The following SPRY3 variants were observed in gnomAD, a reference collection of about 807,000 sequenced individuals.
SPRY3 encodes protein sprouty homolog 3.
SPRY3 carries 15 observed loss-of-function variants against 20.2 expected under a neutral mutation model. That is an observed-to-expected ratio of 0.74 (90% CI 0.50 to 1.14). The LOEUF (loss-of-function observed/expected upper bound fraction) is 1.14. Among genes scored for constraint, SPRY3 ranks in the 50% most tolerant of loss-of-function variants. The pLI, the probability that SPRY3 is intolerant of heterozygous loss-of-function variation, is 0.00. For missense variants in SPRY3, 364 were observed against 363.9 expected (o/e 1.00, Z 0.00); for synonymous variants, 143 against 136.5 (o/e 1.05, Z -0.33).
At chrX:155,733,045 G>A (rs982976663) in intron 2 of SPRY3, among the ~76,000 whole-genome samples, 1 of 151,778 alleles carries the variant, frequency 6.6e-6, no homozygotes, top group African/African-American at 2.4e-5. Context: ...AATGGTTAAT[G>A]GGTACAAAAC....
At chrX:155,778,941 T>G (rs2091446888), downstream of SPRY3, 1 of 166,824 alleles carries the variant, frequency 6.0e-6, no homozygotes, top group South Asian at 2.1e-4. Context: ...GTAGTATGAG[T>G]AAGGAAAGGG....
chrX:155,762,454 T>G (rs1407942204), intron 2 of SPRY3, among the ~76,000 whole-genome samples: 2 of 152,148 alleles, frequency 1.3e-5, no homozygotes, highest in Non-Finnish European at 1.5e-5. Context: ...GAAAATAATA[T>G]TTGATGTAGT....
intron 2 of SPRY3, among the ~76,000 whole-genome samples, chrX:155,759,391 A>G (rs1299277443): frequency 6.6e-6 from 1 of 152,074 alleles, no homozygotes; most frequent in Non-Finnish European, 1.5e-5. Flanking sequence ...TGCATTAGGT[A>G]TATTTCCTCT....
chrX:155,645,541 C>G (rs2067955128), intron 1 of SPRY3, among the ~76,000 whole-genome samples: 2 of 111,608 alleles, frequency 1.8e-5, no homozygotes, highest in African/African-American at 6.5e-5. Context: ...GTACTCTACT[C>G]TCTCCATGGG....
At chrX:155,754,052 T>C (rs1404795445) in intron 2 of SPRY3, among the ~76,000 whole-genome samples, 5 of 152,002 alleles carry the variant, frequency 3.3e-5, no homozygotes, top group Non-Finnish European at 7.4e-5. Context: ...TTTCACATTA[T>C]TGATTATATT....
intron 2 of SPRY3, among the ~76,000 whole-genome samples, chrX:155,708,637 A>G (rs994725191): frequency 6.6e-6 from 1 of 151,508 alleles, no homozygotes; most frequent in Non-Finnish European, 1.5e-5. Flanking sequence ...AGGTATATAT[A>G]TTTATGTGGT....
intron 2 of SPRY3, among the ~76,000 whole-genome samples, chrX:155,733,426 T>C (rs979403254): frequency 1.7e-4 from 25 of 151,274 alleles, no homozygotes; most frequent in Non-Finnish European, 2.9e-4. Flanking sequence ...TATATATATA[T>C]ACACATACCC....
At chrX:155,658,551 C>A (rs1316475452) in intron 2 of SPRY3, among the ~76,000 whole-genome samples, 2 of 112,089 alleles carry the variant, frequency 1.8e-5, no homozygotes, top group Admixed American at 1.9e-4. Context: ...TTAAACTTTA[C>A]TGAAGTCATC....
chrX:155,741,277 A>C (rs1257176428), intron 2 of SPRY3, among the ~76,000 whole-genome samples: 1 of 152,202 alleles, frequency 6.6e-6, no homozygotes, highest in Non-Finnish European at 1.5e-5. Flanking sequence ...TCTTTCTGAA[A>C]TAAGACAGGT....
intron 1 of SPRY3, among the ~76,000 whole-genome samples, chrX:155,635,607 G>T (rs1557350936): frequency 8.9e-6 from 1 of 111,954 alleles, no homozygotes; most frequent in Admixed American, 9.5e-5. Context: ...ACAAACGTAT[G>T]AAAAAAGCTC....
At chrX:155,651,372 G>C (rs1293554805) in intron 1 of SPRY3, among the ~76,000 whole-genome samples, 1 of 111,815 alleles carries the variant, frequency 8.9e-6, no homozygotes, top group Non-Finnish European at 1.9e-5. Context: ...GTATTTTTAA[G>C]TTTAGACATT....
chrX:155,684,194 T>A (rs937651818), intron 2 of SPRY3, among the ~76,000 whole-genome samples: 14 of 110,167 alleles, frequency 1.3e-4, no homozygotes, highest in African/African-American at 4.6e-4. Flanking sequence ...GAGGAGGGGA[T>A]GTAGTTTTGA....
intron 2 of SPRY3, among the ~76,000 whole-genome samples, chrX:155,681,483 A>G (rs1391191063): frequency 8.9e-6 from 1 of 112,305 alleles, no homozygotes; most frequent in Non-Finnish European, 1.9e-5. Context: ...AAAGAGTCGC[A>G]CATCTTTCAC....
In SPRY3 at chrX:155,686,729, T is replaced by TA. The variant is rs200500577; in HGVS notation, c.-282+29708dup. 6.9e-3 allele frequency among the ~76,000 whole-genome samples: 770 copies of TA among 111,902 alleles called. 6 individuals are homozygous for TA. The highest frequency in any genetic ancestry group is 0.024 in the African/African-American group (732 of 30,838). ...TCCAGCAGAAGGACAAAGAAAGGGTTAAAAGCAATGGGATTTGGCCCTGCC... is the reference window on the plus strand; with the variant it reads ...TCCAGCAGAAGGACAAAGAAAGGGTTAAAAAGCAATGGGATTTGGCCCTGCC... On this transcript the variant is annotated intron_variant, in intron 2 of 3. Coordinates refer to ENST00000675360, the Ensembl canonical transcript of SPRY3.
At chrX:155,762,645 T>G (rs28669000) in intron 2 of SPRY3, among the ~76,000 whole-genome samples, 2,677 of 152,172 alleles carry the variant, frequency 0.018, 79 homozygotes, top group African/African-American at 0.061. Flanking sequence ...GAATACAATT[T>G]TATAATTGAG....
At chrX:155,735,108 T>C (rs1602975679) in intron 2 of SPRY3, among the ~76,000 whole-genome samples, 2 of 151,966 alleles carry the variant, frequency 1.3e-5, no homozygotes, top group African/African-American at 2.4e-5. Flanking sequence ...TTTTGAACAA[T>C]GTGTTATTTA....
At chrX:155,780,542 G>C (rs2091457181), downstream of SPRY3, 1 of 166,872 alleles carries the variant, frequency 6.0e-6, no homozygotes, top group South Asian at 2.1e-4. Flanking sequence ...ATTCATATAT[G>C]CATTTCTTTA....
At chrX:155,749,032 G>A (rs2091244343) in intron 2 of SPRY3, among the ~76,000 whole-genome samples, 1 of 151,656 alleles carries the variant, frequency 6.6e-6, no homozygotes, top group Admixed American at 6.6e-5. Context: ...TGAACTATAT[G>A]GATAAATAGG....
intron 1 of SPRY3, among the ~76,000 whole-genome samples, chrX:155,630,625 T>C (rs1252362313): frequency 5.4e-5 from 6 of 111,348 alleles, no homozygotes; most frequent in Non-Finnish European, 7.5e-5. Flanking sequence ...TTATATAATA[T>C]TTGCTTTATT....
Sources: allele counts gnomAD v4.1 joint callset (sites outside exome capture counted in the v4.1 genomes callset), GRCh38; gene constraint gnomAD v4.1.1; transcripts MANE v1.5; gene names NCBI Gene and HGNC (gene_info 2026-07-23, HGNC 2026-07-21).